DIS3L2: variants seen among roughly 807,000 people sequenced by gnomAD.
DIS3L2 encodes DIS3-like exonuclease 2.
In DIS3L2, 34 loss-of-function variants were observed where a neutral mutation model predicts 97.5. The observed-to-expected ratio is 0.35, with a 90% confidence interval of 0.27 to 0.46. DIS3L2 has a LOEUF of 0.46. Among genes scored for constraint, DIS3L2 ranks in the 20% least tolerant of loss-of-function variants. DIS3L2 has a pLI of 1.00. For missense variants in DIS3L2, 1,038 were observed against 1,146.0 expected, an observed-to-expected ratio of 0.91 and a Z score of 1.36; for synonymous variants, 435 against 445.2, an observed-to-expected ratio of 0.98 and a Z score of 0.29.
chr2:232,267,342 A>G (rs775370624), intron 13 of DIS3L2, among the ~76,000 whole-genome samples: 2 of 152,314 alleles, frequency 1.3e-5, no homozygotes, highest in Admixed American at 6.5e-5. Context: ...AGTTCAACCT[A>G]GTTCTAAAGA....
rs11675206 is a variant in DIS3L2, at chr2:232,183,989, T to G, written c.1124+20357T>G. Among the ~76,000 whole-genome samples, 472 of 152,206 alleles carry G rather than the reference T, an allele frequency of 3.1e-3. 1 individual carries two copies. The highest frequency in any genetic ancestry group is 6.8e-3 in the Middle Eastern group (2 of 294). The stretch of plus-strand genomic sequence containing the variant: ...TTGATTTTAAGGCTGGAGAGAGAGA[T>G]AGAGCTGGAAAGGGGGATGTGGGAA... On this transcript the variant is annotated intron_variant, in intron 9 of 20. Transcript: ENST00000325385.
At chr2:232,265,136 A>G (rs968982674) in intron 13 of DIS3L2, among the ~76,000 whole-genome samples, 37 of 152,304 alleles carry the variant, frequency 2.4e-4, no homozygotes, top group African/African-American at 8.9e-4. Context: ...GTCCCAGGAC[A>G]CTTTACAGTT....
At chr2:232,184,705 A>T (rs188813935) in intron 9 of DIS3L2, among the ~76,000 whole-genome samples, 6 of 152,318 alleles carry the variant, frequency 3.9e-5, no homozygotes, top group African/African-American at 1.2e-4. Context: ...GTGTGGGCAA[A>T]TTATTCCTAA....
At chr2:232,101,049 A>G (rs1419273404) in intron 6 of DIS3L2, among the ~76,000 whole-genome samples, 2 of 152,014 alleles carry the variant, frequency 1.3e-5, no homozygotes, top group East Asian at 3.9e-4. Context: ...CAGCCTGGAC[A>G]ACGTGGTGAA....
intron 10 of DIS3L2, among the ~76,000 whole-genome samples, chr2:232,232,134 C>A (rs527952600): frequency 3.9e-5 from 6 of 152,244 alleles, no homozygotes; most frequent in Middle Eastern, 6.8e-3. Flanking sequence ...ACAGAGCAGA[C>A]CCACATGATG....
chr2:232,249,555 A>G (rs1208758252), intron 12 of DIS3L2, among the ~76,000 whole-genome samples: 1 of 152,110 alleles, frequency 6.6e-6, no homozygotes, highest in African/African-American at 2.4e-5. Flanking sequence ...AAGCACTTAG[A>G]ACAGGCTTCT....
chr2:232,210,923 A>G (rs1399441356), intron 10 of DIS3L2, among the ~76,000 whole-genome samples: 1 of 151,962 alleles, frequency 6.6e-6, no homozygotes, highest in African/African-American at 2.4e-5. Flanking sequence ...GTTTTCATCT[A>G]TCCAGCAAGT....
At chr2:232,086,334 T>C (rs11901872) in intron 5 of DIS3L2, among the ~76,000 whole-genome samples, 1 of 141,938 alleles carries the variant, frequency 7.0e-6, no homozygotes, top group Admixed American at 7.3e-5. Flanking sequence ...TATGCATATG[T>C]ATATATACAT....
intron 8 of DIS3L2, among the ~76,000 whole-genome samples, chr2:232,161,015 T>C (rs1690633881): frequency 6.6e-6 from 1 of 152,104 alleles, no homozygotes. Flanking sequence ...CCTCCCGGGT[T>C]CAAGCGTTTC....
At chr2:232,048,978 C>T (rs547314979) in intron 5 of DIS3L2, among the ~76,000 whole-genome samples, 1 of 152,014 alleles carries the variant, frequency 6.6e-6, no homozygotes, top group Non-Finnish European at 1.5e-5. Context: ...GTTTGGTGTT[C>T]ATAGTATATA....
At chr2:232,319,560 C>T (rs1695369610) in intron 14 of DIS3L2, among the ~76,000 whole-genome samples, 1 of 152,170 alleles carries the variant, frequency 6.6e-6, no homozygotes, top group Non-Finnish European at 1.5e-5. Context: ...GGACTGAGGC[C>T]AGAGAGTTCT....
intron 5 of DIS3L2, among the ~76,000 whole-genome samples, chr2:232,086,992 A>ATATTTT (rs1696678758): frequency 6.6e-6 from 1 of 151,932 alleles, no homozygotes; most frequent in South Asian, 2.1e-4. Context: ...ATAAAGCTTT[A>ATATTTT]TATTTTTATA....
At chr2:231,974,505 G>A (rs955692416) in intron 1 of DIS3L2, among the ~76,000 whole-genome samples, 1 of 145,210 alleles carries the variant, frequency 6.9e-6, no homozygotes, top group African/African-American at 2.5e-5. Flanking sequence ...CATCTCAGTT[G>A]ACATGGTTTT....
intron 5 of DIS3L2, among the ~76,000 whole-genome samples, chr2:232,068,708 G>A (rs986035908): frequency 1.3e-5 from 2 of 151,906 alleles, no homozygotes. Context: ...CTCAGGCTCC[G>A]GAATTATGGC....
chr2:232,101,293 C>T (rs59141578), intron 6 of DIS3L2, among the ~76,000 whole-genome samples: 9,980 of 150,970 alleles, frequency 0.066, 1,106 homozygotes, highest in East Asian at 0.5. Context: ...GTATTTCTTA[C>T]ATTTTGATTT....
At chr2:232,137,139 G>A (rs890412130) in intron 8 of DIS3L2, among the ~76,000 whole-genome samples, 1 of 152,160 alleles carries the variant, frequency 6.6e-6, no homozygotes, top group African/African-American at 2.4e-5. Context: ...GAACATGAAG[G>A]TATATTTAAA....
At chr2:232,134,940 A>G (rs1201374020) in intron 7 of DIS3L2, among the ~76,000 whole-genome samples, 1 of 152,192 alleles carries the variant, frequency 6.6e-6, no homozygotes, top group Non-Finnish European at 1.5e-5. Flanking sequence ...CGTAGATAAC[A>G]GACTTGGAGA....
At chr2:232,215,507 G>T (rs999291656) in intron 10 of DIS3L2, among the ~76,000 whole-genome samples, 71 of 152,308 alleles carry the variant, frequency 4.7e-4, no homozygotes, top group African/African-American at 1.6e-3. Context: ...AGCCTGCCTG[G>T]TTGCATGACA....
chr2:232,129,749 T>C (rs1184059542), intron 6 of DIS3L2, among the ~76,000 whole-genome samples: 1 of 152,218 alleles, frequency 6.6e-6, no homozygotes, highest in Non-Finnish European at 1.5e-5. Context: ...CTTGGCAACA[T>C]CTAAATGATG....
Sources: gnomAD v4.1 joint callset for allele counts (sites outside exome capture counted in the v4.1 genomes callset) on GRCh38, gnomAD v4.1.1 for gene constraint, MANE v1.5 for transcripts, NCBI Gene and HGNC (gene_info 2026-07-23, HGNC 2026-07-21) for gene names.